Variants in ERGIC1 observed in about 807,000 individuals in gnomAD.
ERGIC1 encodes endoplasmic reticulum-Golgi intermediate compartment protein 1.
In ERGIC1, 19 loss-of-function variants were observed where a neutral mutation model predicts 38.3. The observed-to-expected ratio is 0.50, with a 90% CI of 0.35 to 0.73. The LOEUF is 0.73. ERGIC1 is among the 30% of genes least tolerant of loss of function. ERGIC1 has a pLI of 0.01. For missense variants in ERGIC1, 294 were observed against 389.2 expected, an observed-to-expected ratio of 0.76 and a Z score of 2.06; for synonymous variants, 124 against 157.6, an observed-to-expected ratio of 0.79 and a Z score of 1.60.
At chr5:172,872,696 T>C (rs1298873707) in intron 1 of ERGIC1, among the ~76,000 whole-genome samples, 3 of 152,102 alleles carry the variant, frequency 2.0e-5, no homozygotes, top group African/African-American at 7.2e-5. Flanking sequence ...ATGCCTGTAA[T>C]CTCAGCTACT....
intron 1 of ERGIC1, among the ~76,000 whole-genome samples, chr5:172,862,667 A>G (rs1207464438): frequency 1.3e-5 from 2 of 152,088 alleles, no homozygotes; most frequent in Non-Finnish European, 2.9e-5. Flanking sequence ...CCCAACCTCA[A>G]ATTTGGGACG....
chr5:172,894,131 A>ATTTT (rs1402232060), intron 2 of ERGIC1, among the ~76,000 whole-genome samples: 1 of 30,052 alleles, frequency 3.3e-5, no homozygotes, highest in African/African-American at 1.6e-4. Context: ...TGCTGATGAT[A>ATTTT]CTTTTTTTTT....
At chr5:172,874,358 G>A (rs898293913) in intron 1 of ERGIC1, among the ~76,000 whole-genome samples, 1 of 152,182 alleles carries the variant, frequency 6.6e-6, no homozygotes, top group Non-Finnish European at 1.5e-5. Context: ...TGGGATTACA[G>A]GCATGAGCCA....
chr5:172,919,381 C>T (rs958911071), intron 5 of ERGIC1, among the ~76,000 whole-genome samples: 1 of 152,180 alleles, frequency 6.6e-6, no homozygotes, highest in Non-Finnish European at 1.5e-5. Context: ...CAGATGGTGA[C>T]CAAGAAGGGA....
chr5:172,873,671 G>A (rs1762072643), intron 1 of ERGIC1, among the ~76,000 whole-genome samples: 1 of 152,234 alleles, frequency 6.6e-6, no homozygotes, highest in Non-Finnish European at 1.5e-5. Flanking sequence ...GCTGGCCAGG[G>A]TTCCAGTCCT....
Position 172,868,833 on chromosome 5 carries a change from A to G in ERGIC1, c.21-19866A>G, listed in dbSNP as rs183354254. ...TATGGGAAATCGCTATCTTCTGCTC[A>G]ATTTTGCTGTAAACCTAAAACTGCT... On this transcript the variant is annotated intron_variant, in intron 1 of 9. Transcript: ENST00000393784. Among the ~76,000 whole-genome samples the G allele has an allele frequency of 1.7e-3, 255 of 152,310 alleles. 1 individual carries two copies. The highest frequency in any genetic ancestry group is 5.8e-3 in the African/African-American group (239 of 41,562).
At chr5:172,841,303 G>T (rs1761153864) in intron 1 of ERGIC1, among the ~76,000 whole-genome samples, 1 of 152,202 alleles carries the variant, frequency 6.6e-6, no homozygotes, top group Non-Finnish European at 1.5e-5. Flanking sequence ...AGAGCCAGGG[G>T]ACATGTGGGG....
rs772520694 is a variant in ERGIC1, at chr5:172,924,158, G to A, written c.480+49G>A. 6 of 1,559,672 alleles carry A rather than the reference G, an allele frequency of 3.8e-6. No homozygotes were observed. The East Asian group carries it at 1.1e-4, about 29-fold the overall frequency. On this transcript the variant is annotated intron_variant, in intron 6 of 9. Transcript: ENST00000393784. ...GCATGGCCGGGGGTGGGCCTTCAGGGGCTCTGTCACCCAGTGCCCTCTGCC... is the reference window on the plus strand; with the variant it reads ...GCATGGCCGGGGGTGGGCCTTCAGGAGCTCTGTCACCCAGTGCCCTCTGCC...
chr5:172,863,034 T>G (rs1310030049), intron 1 of ERGIC1, among the ~76,000 whole-genome samples: 1 of 152,132 alleles, frequency 6.6e-6, no homozygotes, highest in Non-Finnish European at 1.5e-5. Context: ...CAGGCTGGAG[T>G]GCAGTGGTGC....
At chr5:172,890,992 G>A (rs566102170) in intron 2 of ERGIC1, among the ~76,000 whole-genome samples, 5 of 152,382 alleles carry the variant, frequency 3.3e-5, no homozygotes, top group African/African-American at 1.2e-4. Flanking sequence ...TGTTCGGGCA[G>A]AGCAAGGTTC....
Position 172,925,842 on chromosome 5 carries a change from G to A in ERGIC1, c.481-667G>A, listed in dbSNP as rs181353695. Among the ~76,000 whole-genome samples, 11 of 152,292 alleles carry A rather than the reference G, an allele frequency of 7.2e-5. No homozygotes were observed. In the East Asian group the frequency reaches 2.1e-3, roughly 29 times the overall value. ...ACCAGGTATGCCTTGTCCTTCTTTAGATGTTCCTTGAGGCCAACCTGGTTT... is the reference window on the plus strand; with the variant it reads ...ACCAGGTATGCCTTGTCCTTCTTTAAATGTTCCTTGAGGCCAACCTGGTTT... On this transcript the variant is annotated intron_variant, in intron 6 of 9. Coordinates refer to ENST00000393784, the MANE Select transcript of ERGIC1 (RefSeq NM_001031711.3).
intron 1 of ERGIC1, among the ~76,000 whole-genome samples, chr5:172,853,708 C>T (rs900776433): frequency 6.6e-6 from 1 of 152,220 alleles, no homozygotes; most frequent in African/African-American, 2.4e-5. Context: ...GAAGCAGAAG[C>T]AGGAGCCTTG....
intron 1 of ERGIC1, among the ~76,000 whole-genome samples, chr5:172,871,381 C>G (rs1164736043): frequency 6.6e-6 from 1 of 152,254 alleles, no homozygotes; most frequent in Non-Finnish European, 1.5e-5. Flanking sequence ...CTGGCTATCC[C>G]TGTGGCTGTT....
chr5:172,907,472 C>T (rs1449371404), intron 3 of ERGIC1, among the ~76,000 whole-genome samples: 3 of 152,040 alleles, frequency 2.0e-5, no homozygotes, highest in South Asian at 2.1e-4. Flanking sequence ...GGAGGAGAAT[C>T]GCTTGAACCC....
intron 7 of ERGIC1, among the ~76,000 whole-genome samples, chr5:172,927,363 C>T (rs1177080757): frequency 6.6e-6 from 1 of 152,202 alleles, no homozygotes; most frequent in Non-Finnish European, 1.5e-5. Context: ...GCAAAGAAAA[C>T]ATCCCTCTGT....
rs184133860 is a variant in ERGIC1 at position 172,920,923 on chromosome 5, A to C, written c.376-3082A>C. Among the ~76,000 whole-genome samples, 402 of 152,340 alleles carry C rather than the reference A, an allele frequency of 2.6e-3. 3 individuals carry two copies. The highest frequency in any genetic ancestry group is 2.2e-3 in the Non-Finnish European group (150 of 68,030). On this transcript the variant is annotated intron_variant, in intron 5 of 9. Transcript: ENST00000393784. ...TGTGTCTCATGACTGTTTTATCATG[A>C]AAATGTACCCAGGCATTATTTTTAT...
At chr5:172,935,373 C>T (rs1561743069) in intron 9 of ERGIC1, 63 bp downstream of exon 9, 8 of 1,606,194 alleles carry the variant, frequency 5.0e-6, no homozygotes, top group Non-Finnish European at 6.8e-6. Context: ...CTCTGGGCCC[C>T]TTTCCTTGGC....
chr5:172,855,608 C>G (rs896643889), intron 1 of ERGIC1, among the ~76,000 whole-genome samples: 1 of 152,188 alleles, frequency 6.6e-6, no homozygotes, highest in Non-Finnish European at 1.5e-5. Context: ...TCCAGCCTTG[C>G]GTGGGGTGCG....
At chr5:172,908,320 GA>G (rs1561729671) in intron 3 of ERGIC1, among the ~76,000 whole-genome samples, 1 of 13,594 alleles carries the variant, frequency 7.4e-5, no homozygotes, top group Non-Finnish European at 1.3e-4. Flanking sequence ...GGGGGGGGGA[GA>G]GAGGGGAGGG....
Sources: gnomAD v4.1 joint callset for allele counts (sites outside exome capture counted in the v4.1 genomes callset) on GRCh38, gnomAD v4.1.1 for gene constraint, MANE v1.5 for transcripts, NCBI Gene and HGNC (gene_info 2026-07-23, HGNC 2026-07-21) for gene names.